Variants in MAD1L1 observed in about 807,000 individuals in gnomAD.
MAD1L1 encodes the protein mitotic arrest deficient 1 like 1.
A neutral mutation model predicts 96.9 loss-of-function variants in MAD1L1; 95 were observed. That is an observed-to-expected ratio of 0.98 (90% CI 0.83 to 1.16). The LOEUF (loss-of-function observed/expected upper bound fraction) is 1.16, where lower values mean the gene tolerates loss of function less well. MAD1L1 is among the 50% of genes most tolerant of loss of function. The probability of loss-of-function intolerance (pLI) is 0.00; values close to 1 mark genes in which losing one functional copy is unlikely to be tolerated. For missense variants in MAD1L1, 1,007 were observed against 954.4 expected (o/e 1.06, Z -0.73); for synonymous variants, 473 against 396.6 (o/e 1.19, Z -2.29).
intron 11 of MAD1L1, among the ~76,000 whole-genome samples, chr7:2,126,236 C>T (rs921638501): frequency 6.6e-6 from 1 of 152,198 alleles, no homozygotes; most frequent in South Asian, 2.1e-4. Flanking sequence ...AGGCTCAGTG[C>T]GCGGCCCATG....
At chr7:2,090,228 A>G (rs1390904505) in intron 11 of MAD1L1, among the ~76,000 whole-genome samples, 1 of 152,226 alleles carries the variant, frequency 6.6e-6, no homozygotes, top group East Asian at 1.9e-4. Context: ...GTAGGCCAGA[A>G]GACAAAGCAG....
At chr7:1,914,620 G>C (rs558727608) in intron 17 of MAD1L1, among the ~76,000 whole-genome samples, 1 of 152,242 alleles carries the variant, frequency 6.6e-6, no homozygotes, top group South Asian at 2.1e-4. Context: ...TGAGTTTTTG[G>C]TTTGTTTTTT....
chr7:1,839,293 C>CG (rs1222072350), intron 18 of MAD1L1, among the ~76,000 whole-genome samples: 1 of 151,708 alleles, frequency 6.6e-6, no homozygotes, highest in Non-Finnish European at 1.5e-5. Context: ...GACAGACACT[C>CG]GGGGTCCCAG....
intron 18 of MAD1L1, among the ~76,000 whole-genome samples, chr7:1,858,691 G>A (rs1331375398): frequency 6.6e-6 from 1 of 152,210 alleles, no homozygotes; most frequent in African/African-American, 2.4e-5. Flanking sequence ...GGCACATGGT[G>A]GCGAGGACGC....
chr7:2,196,366 C>G (rs1013986340), intron 10 of MAD1L1, among the ~76,000 whole-genome samples: 18 of 152,226 alleles, frequency 1.2e-4, no homozygotes, highest in Non-Finnish European at 1.3e-4. Flanking sequence ...GTTTCCAAAC[C>G]AGGGAAAACG....
intron 12 of MAD1L1, among the ~76,000 whole-genome samples, chr7:2,055,119 C>T (rs926712021): frequency 1.3e-5 from 2 of 152,234 alleles, no homozygotes; most frequent in Non-Finnish European, 2.9e-5. Context: ...TCCCTCCAGG[C>T]ACTAGGCAGG....
rs184613161 is a variant in MAD1L1, at chr7:2,169,847, G to T, written c.987-20609C>A. 5.2e-3 allele frequency among the ~76,000 whole-genome samples: 642 copies of T among 122,366 alleles called. 38 individuals carry two copies. The highest frequency in any genetic ancestry group is 0.023 in the African/African-American group (608 of 26,368). The allele number at this position is 122,366 out of a possible 152,430, so 80.3% of individuals were successfully genotyped here. A position where few individuals can be genotyped will look rare whatever the true frequency, so the allele number is the denominator to read the frequency against. ...CTGAGAGCACAAAGGCCCACTGGGGGCACTCGGAGCAGGGGCTGGACCACA... is the reference window on the plus strand; with the variant it reads ...CTGAGAGCACAAAGGCCCACTGGGGTCACTCGGAGCAGGGGCTGGACCACA... On this transcript the variant is annotated intron_variant, in intron 10 of 18. Coordinates refer to ENST00000265854, the MANE Select transcript of MAD1L1 (RefSeq NM_001013836.2).
At position 1,898,013 on chromosome 7, in the gene MAD1L1, G is replaced by C. The variant is rs186906639; in HGVS notation, c.1998+187C>G. On this transcript the variant is annotated intron_variant, in intron 18 of 18. Transcript: ENST00000265854. ...GTCCAGGGCTGCAAAGCCACATAGG[G>C]TTGGCCCAAGGCTGAGAAGCCTCAG... 6.0e-5 allele frequency: 39 copies of C among 647,444 alleles called. No individual in the cohort carries two copies. In the East Asian group the frequency reaches 1.0e-3, roughly 17 times the overall value. The allele number at this position is 647,444 out of a possible 1,614,324, so 40.1% of individuals were successfully genotyped here.
intron 11 of MAD1L1, among the ~76,000 whole-genome samples, chr7:2,086,548 C>G (rs976097851): frequency 6.6e-6 from 1 of 152,184 alleles, no homozygotes; most frequent in Admixed American, 6.5e-5. Flanking sequence ...CACAATTGCT[C>G]TTTTTCTTTT....
chr7:1,906,191 G>A (rs1464740680), intron 17 of MAD1L1, among the ~76,000 whole-genome samples: 1 of 152,126 alleles, frequency 6.6e-6, no homozygotes, highest in African/African-American at 2.4e-5. Context: ...ACAGGAGGAA[G>A]AGACGCCAGC....
In MAD1L1 at chr7:2,171,975, G is replaced by A. The variant is rs142968033; in HGVS notation, c.987-22737C>T. On this transcript the variant is annotated intron_variant, in intron 10 of 18. Coordinates refer to ENST00000265854, the MANE Select transcript of MAD1L1 (RefSeq NM_001013836.2). Reference sequence around the variant, plus strand: ...ATCACCACGAGGCCTAAGTCTGATGGGAAGAGCACACGGCAATGCAACACT... The same window carrying A: ...ATCACCACGAGGCCTAAGTCTGATGAGAAGAGCACACGGCAATGCAACACT... Among the ~76,000 whole-genome samples, 538 of 152,276 alleles carry A rather than the reference G, an allele frequency of 3.5e-3. 13 individuals are homozygous for A. The highest frequency in any genetic ancestry group is 0.032 in the Admixed American group (490 of 15,290).
chr7:1,849,128 G>GCA (rs71548206), intron 18 of MAD1L1: 95,645 of 152,648 alleles, frequency 0.63, 30,125 homozygotes, highest in South Asian at 0.79. Context: ...ACACAGACAT[G>GCA]CACACACACG....
At chr7:2,137,155 C>T (rs7794769) in intron 11 of MAD1L1, among the ~76,000 whole-genome samples, 7,826 of 152,264 alleles carry the variant, frequency 0.051, 694 homozygotes, top group African/African-American at 0.18. Flanking sequence ...AACAGAAGTT[C>T]AGGGCACCAA....
rs553666239 is a variant in MAD1L1 at position 2,191,518 on chromosome 7, C to T, written c.986+21694G>A. 2.0e-5 allele frequency among the ~76,000 whole-genome samples: 3 copies of T among 152,214 alleles called. No homozygotes were observed. In the South Asian group the frequency reaches 6.2e-4, roughly 32 times the overall value. ...GGCTGAGGCAGGCGGATCACTTGAG[C>T]TCAGGAGTTCGAGACCAGTCTGGCC... On this transcript the variant is annotated intron_variant, in intron 10 of 18. Coordinates refer to ENST00000265854, the MANE Select transcript of MAD1L1 (RefSeq NM_001013836.2).
chr7:2,135,017 C>T lies in MAD1L1; in HGVS notation c.1073+14135G>A, dbSNP rs576802423. ...ACCTTCCCAGACATTCAATGACTGA[C>T]GTTCATTAATGATGTTCATGTTCAA... On this transcript the variant is annotated intron_variant, in intron 11 of 18. Transcript: ENST00000265854. Among the ~76,000 whole-genome samples, 276 of 152,298 alleles carry T rather than the reference C, an allele frequency of 1.8e-3. 1 individual carries two copies. The highest frequency in any genetic ancestry group is 3.4e-3 in the Non-Finnish European group (231 of 68,036).
At chr7:2,027,962 T>C (rs971899249) in intron 12 of MAD1L1, among the ~76,000 whole-genome samples, 4 of 152,148 alleles carry the variant, frequency 2.6e-5, no homozygotes, top group African/African-American at 9.7e-5. Context: ...AATCTACAAA[T>C]AAATTATTAA....
intron 17 of MAD1L1, among the ~76,000 whole-genome samples, chr7:1,931,608 C>T (rs1789483092): frequency 6.6e-6 from 1 of 152,228 alleles, no homozygotes; most frequent in South Asian, 2.1e-4. Context: ...GTCCTGCTGA[C>T]TTCCCGAGAG....
chr7:2,025,242 A>T (rs1782948722), intron 12 of MAD1L1, among the ~76,000 whole-genome samples: 1 of 152,232 alleles, frequency 6.6e-6, no homozygotes, highest in Admixed American at 6.5e-5. Context: ...GAACATTTCA[A>T]CAACACTTCT....
At chr7:2,031,133 G>A (rs758254891) in intron 12 of MAD1L1, among the ~76,000 whole-genome samples, 2 of 152,332 alleles carry the variant, frequency 1.3e-5, no homozygotes, top group Middle Eastern at 3.4e-3. Flanking sequence ...GAGCTCTCCT[G>A]AAGGCAGCAG....
Sources: allele counts gnomAD v4.1 joint callset (sites outside exome capture counted in the v4.1 genomes callset), GRCh38; gene constraint gnomAD v4.1.1; transcripts MANE v1.5; gene names NCBI Gene and HGNC (gene_info 2026-07-23, HGNC 2026-07-21).